Variants in VWA8 observed in about 807,000 individuals in gnomAD.
VWA8 encodes the protein von Willebrand factor A domain containing 8, also known as von Willebrand factor A domain-containing protein 8.
In VWA8, 221 loss-of-function variants were observed where a neutral mutation model predicts 241.5. The ratio of observed to expected loss-of-function variants is 0.91; its 90% confidence interval spans 0.82 to 1.02. VWA8 has a LOEUF of 1.02. VWA8 is among the 50% of genes least tolerant of loss of function. The pLI, the probability that VWA8 is intolerant of heterozygous loss-of-function variation, is 0.00. For synonymous variants in VWA8, 852 were observed against 827.1 expected, an observed-to-expected ratio of 1.03 and a Z score of -0.52; for missense variants, 2,322 against 2,328.7, an observed-to-expected ratio of 1.00 and a Z score of 0.06.
rs567031641 is a variant in VWA8 at position 41,875,118 on chromosome 13, T to A, written c.1081-6641A>T. On this transcript the variant is annotated intron_variant, in intron 9 of 44. Coordinates refer to ENST00000379310, the MANE Select transcript of VWA8 (RefSeq NM_015058.2). ...AAACAAAATTATTTTTCCTTCATCCTCAAAATCATTGATGTTTTAATCAAT... is the reference window on the plus strand; with the variant it reads ...AAACAAAATTATTTTTCCTTCATCCACAAAATCATTGATGTTTTAATCAAT... 1.2e-4 allele frequency among the ~76,000 whole-genome samples: 18 copies of A among 152,246 alleles called. No individual in the cohort carries two copies. The South Asian group carries it at 3.7e-3, about 32-fold the overall frequency.
At chr13:41,805,111 A>C (rs1870124812) in intron 17 of VWA8, among the ~76,000 whole-genome samples, 1 of 152,222 alleles carries the variant, frequency 6.6e-6, no homozygotes, top group Admixed American at 6.5e-5. Flanking sequence ...CAAAAGACAG[A>C]GTAGCAAAAT....
intron 37 of VWA8, among the ~76,000 whole-genome samples, chr13:41,650,910 G>T (rs941164310): frequency 6.6e-6 from 1 of 152,200 alleles, no homozygotes; most frequent in African/African-American, 2.4e-5. Context: ...TCCAGGCAGG[G>T]GCCAATGTGA....
At chr13:41,609,454 G>C (rs962182358) in intron 39 of VWA8, among the ~76,000 whole-genome samples, 57 of 152,204 alleles carry the variant, frequency 3.7e-4, no homozygotes, top group African/African-American at 1.3e-3. Context: ...TAGAAGTCTT[G>C]GATTAGCTTC....
chr13:41,867,807 G>C (rs1261910573), intron 10 of VWA8, among the ~76,000 whole-genome samples: 1 of 151,980 alleles, frequency 6.6e-6, no homozygotes, highest in Non-Finnish European at 1.5e-5. Context: ...TTGAGCTCAG[G>C]AATTCAAAAC....
intron 12 of VWA8, among the ~76,000 whole-genome samples, chr13:41,838,571 A>C (rs1871848424): frequency 2.0e-5 from 3 of 152,194 alleles, no homozygotes; most frequent in Non-Finnish European, 4.4e-5. Flanking sequence ...GAAAGTATTT[A>C]AGTTGAGTTG....
At chr13:41,760,073 A>T (rs971835098) in intron 21 of VWA8, among the ~76,000 whole-genome samples, 2 of 151,842 alleles carry the variant, frequency 1.3e-5, no homozygotes, top group Admixed American at 1.3e-4. Context: ...CTACTTCTAA[A>T]CATAGACTTT....
intron 2 of VWA8, among the ~76,000 whole-genome samples, chr13:41,942,118 T>C (rs924283089): frequency 1.3e-5 from 2 of 152,228 alleles, no homozygotes; most frequent in South Asian, 4.1e-4. Context: ...ACATCTATTT[T>C]GTTAATTTTT....
intron 44 of VWA8, among the ~76,000 whole-genome samples, chr13:41,569,234 T>C (rs2044283886): frequency 6.6e-6 from 1 of 152,260 alleles, no homozygotes; most frequent in Admixed American, 6.5e-5. Context: ...AAGGGTATTA[T>C]TGTGCTTTCT....
chr13:41,888,364 T>C (rs1296451926), intron 5 of VWA8, among the ~76,000 whole-genome samples: 1 of 152,192 alleles, frequency 6.6e-6, no homozygotes, highest in African/African-American at 2.4e-5. Context: ...TAGAAACTCT[T>C]AAGATGGCAC....
chr13:41,732,314 G>C (rs993581935), intron 21 of VWA8, among the ~76,000 whole-genome samples, 159 bp from the exon 22 acceptor site: 1 of 151,684 alleles, frequency 6.6e-6, no homozygotes, highest in African/African-American at 2.4e-5. Flanking sequence ...ATTTATTTGA[G>C]TAACAATACT....
intron 9 of VWA8, among the ~76,000 whole-genome samples, chr13:41,877,122 A>G (rs1873935012): frequency 6.6e-6 from 1 of 152,092 alleles, no homozygotes; most frequent in Admixed American, 6.6e-5. Context: ...GTTCTAGTAT[A>G]TGGAATTATT....
At position 41,901,865 on chromosome 13, in the gene VWA8, C is replaced by CAA. The variant is rs1167305999; in HGVS notation, c.483+5719_483+5720dup. On this transcript the variant is annotated intron_variant, in intron 4 of 44. Coordinates refer to ENST00000379310, the MANE Select transcript of VWA8 (RefSeq NM_015058.2). Reference sequence around the variant, plus strand: ...TGGGTGACAGAACAAGACTCCATCTCAAAAAAAAAAAAAAAAAAAAAAAAA... The same window carrying CAA: ...TGGGTGACAGAACAAGACTCCATCTCAAAAAAAAAAAAAAAAAAAAAAAAAAA... 3.2e-3 allele frequency among the ~76,000 whole-genome samples: 80 copies of CAA among 24,670 alleles called. 4 individuals are homozygous for CAA. The highest frequency in any genetic ancestry group is 8.3e-3 in the African/African-American group (57 of 6,896). 16.2% of individuals were successfully genotyped at this position (24,670 alleles called of 152,430 possible). A position where few individuals can be genotyped will look rare whatever the true frequency, so the allele number is the denominator to read the frequency against.
chr13:41,615,316 G>C (rs960954672), intron 37 of VWA8, among the ~76,000 whole-genome samples: 5 of 152,152 alleles, frequency 3.3e-5, no homozygotes, highest in African/African-American at 9.7e-5. Flanking sequence ...AAAAGTAAAG[G>C]AGCTGGACTG....
At chr13:41,914,397 T>C (rs1876157107) in intron 2 of VWA8, among the ~76,000 whole-genome samples, 1 of 152,238 alleles carries the variant, frequency 6.6e-6, no homozygotes, top group Non-Finnish European at 1.5e-5. Flanking sequence ...GGCCTGAGTC[T>C]AGAGAGTTAA....
chr13:41,580,454 A>C (rs908338275), intron 42 of VWA8, among the ~76,000 whole-genome samples: 1 of 152,200 alleles, frequency 6.6e-6, no homozygotes, highest in African/African-American at 2.4e-5. Flanking sequence ...TAACTTCTTG[A>C]TAGAAGAAAT....
intron 1 of VWA8, among the ~76,000 whole-genome samples, chr13:41,950,660 A>G (rs1593892714): frequency 8.0e-6 from 1 of 124,626 alleles, no homozygotes; most frequent in Non-Finnish European, 1.6e-5. Context: ...GAGTCACCAC[A>G]CTCAGCCTTT....
chr13:41,840,368 C>T (rs1465944198), intron 12 of VWA8, among the ~76,000 whole-genome samples: 2 of 151,778 alleles, frequency 1.3e-5, no homozygotes, highest in South Asian at 2.1e-4. Context: ...ACGTAGGTGA[C>T]GGGTTGGTTG....
chr13:41,721,277 T>C, intron 25 of VWA8, 93 bp downstream of exon 25: 1 of 1,260,406 alleles, frequency 7.9e-7, no homozygotes, highest in Non-Finnish European at 1.1e-6. Flanking sequence ...TTATTGTATT[T>C]ATGGAAATTA....
At chr13:41,584,719 C>T (rs148148210) in intron 42 of VWA8, among the ~76,000 whole-genome samples, 1 of 152,260 alleles carries the variant, frequency 6.6e-6, no homozygotes, top group African/African-American at 2.4e-5. Context: ...TGGTGTCTTG[C>T]TACAATTTCA....
Sources: allele counts gnomAD v4.1 joint callset (sites outside exome capture counted in the v4.1 genomes callset), GRCh38; gene constraint gnomAD v4.1.1; transcripts MANE v1.5; gene names NCBI Gene and HGNC (gene_info 2026-07-23, HGNC 2026-07-21).